ERCC8: variants seen among roughly 807,000 people sequenced by gnomAD.
The protein encoded by ERCC8 is ERCC excision repair 8, CSA ubiquitin ligase complex subunit.
In ERCC8, 52 loss-of-function variants were observed where a neutral mutation model predicts 54.9. That is an observed-to-expected ratio of 0.95 (90% CI 0.76 to 1.19). The LOEUF is 1.19. Ranked by LOEUF, ERCC8 falls within the 50% of genes most tolerant of loss-of-function variation. The probability of loss-of-function intolerance (pLI) is 0.00; values close to 1 mark genes in which losing one functional copy is unlikely to be tolerated. For missense variants in ERCC8, 514 were observed against 466.1 expected, an observed-to-expected ratio of 1.10 and a Z score of -0.95; for synonymous variants, 146 against 157.2, an observed-to-expected ratio of 0.93 and a Z score of 0.53.
At chr5:60,898,168 A>T in intron 9 of ERCC8, 108 bp downstream of exon 9, 2 of 1,261,124 alleles carry the variant, frequency 1.6e-6, no homozygotes, top group Non-Finnish European at 2.2e-6. Flanking sequence ...TTTTAAAAAC[A>T]GCTGTGATTA....
At chr5:60,929,516 G>A (rs1362758401) in intron 1 of ERCC8, among the ~76,000 whole-genome samples, 1 of 152,162 alleles carries the variant, frequency 6.6e-6, no homozygotes, top group Non-Finnish European at 1.5e-5. Flanking sequence ...GAGCCCAGGA[G>A]TTCAAGGATG....
rs1276779259 is a variant in ERCC8 at position 60,918,318 on chromosome 5, T to A, written c.346A>T (p.Thr116Ser). 1 of 1,593,128 alleles carries A rather than the reference T, an allele frequency of 6.3e-7. No homozygotes were observed. The highest frequency in any genetic ancestry group is 8.6e-7 in the Non-Finnish European group (1 of 1,161,398). The change falls in exon 4 of 12, where the codon ACA (threonine) becomes TCA (serine). Residue 116 changes from threonine to serine, a missense_variant. Physicochemically the swap from Thr to Ser is moderately conservative, Grantham distance 58. Coordinates refer to ENST00000676185, the MANE Select transcript of ERCC8 (RefSeq NM_000082.4). ...AGAGTTTTATCAAATGAGCTTGATG[T>A]GAACATGCCAGTGTCATGAGGATAC... is the stretch of plus-strand genomic sequence containing the variant. ...QWYPHDTGMF[T>S]SSSFDKTLKV...
chr5:60,886,344 C>A (rs999404420), intron 11 of ERCC8, among the ~76,000 whole-genome samples: 6 of 152,074 alleles, frequency 3.9e-5, no homozygotes, highest in African/African-American at 1.4e-4. Context: ...TTATGTTCTA[C>A]GAAAGGCACT....
chr5:60,883,004 C>CAT (rs1748287889), intron 11 of ERCC8, among the ~76,000 whole-genome samples: 1 of 146,898 alleles, frequency 6.8e-6, no homozygotes, highest in African/African-American at 2.7e-5. Flanking sequence ...CACACACACA[C>CAT]ATGTCTGTAG....
intron 3 of ERCC8, among the ~76,000 whole-genome samples, chr5:60,920,869 T>C (rs1749580986): frequency 6.6e-6 from 1 of 151,926 alleles, no homozygotes; most frequent in Non-Finnish European, 1.5e-5. Flanking sequence ...AAAATAAATT[T>C]AATGTTAAAA....
intron 11 of ERCC8, among the ~76,000 whole-genome samples, chr5:60,879,628 C>CTTCT (rs1748138580): frequency 1.5e-4 from 22 of 150,092 alleles, no homozygotes; most frequent in Non-Finnish European, 3.0e-4. Context: ...ATGTAATGGC[C>CTTCT]TTGTCTCTTT....
Position 60,890,932 on chromosome 5 carries a change from T to C in ERCC8, c.998A>G (p.His333Arg). The change falls in exon 10 of 12, where the codon CAT becomes CGT. Residue 333 changes from histidine to arginine, a missense_variant. By Grantham distance (29) the His-to-Arg change is conservative (BLOSUM62 0). Transcript: ENST00000676185. ...TACACAGCAGTCAACAGTTTTATAATGTCCCTTAAGCATAGTTATCTGTTC... is the reference window on the plus strand; with the variant it reads ...TACACAGCAGTCAACAGTTTTATAACGTCCCTTAAGCATAGTTATCTGTTC... Reference protein sequence around the residue: ...SGEQITMLKGHYKTVDCCVFQ... With the variant: ...SGEQITMLKGRYKTVDCCVFQ... 7 of 1,613,692 alleles carry C rather than the reference T, an allele frequency of 4.3e-6. No individual in the cohort carries two copies. Among genetic ancestry groups the C allele is most frequent in the Non-Finnish European group, 5.9e-6 (7 of 1,179,764 alleles).
In ERCC8 at chr5:60,940,293, C is replaced by T. The variant is rs547560824; in HGVS notation, c.77+4639G>A. ...CCCATGACAGAAATGGCTATGGCTA[C>T]GCATAGTGGCCTGCAGAAGCCAGAA... is the stretch of plus-strand genomic sequence containing the variant. On this transcript the variant is annotated intron_variant, in intron 1 of 11. Coordinates refer to ENST00000676185, the MANE Select transcript of ERCC8 (RefSeq NM_000082.4). Among the ~76,000 whole-genome samples the T allele has an allele frequency of 9.2e-5, 14 of 152,262 alleles. No individual in the cohort carries two copies. In the East Asian group the frequency reaches 9.6e-4, roughly 10 times the overall value.
In ERCC8 at chr5:60,874,445, A is replaced by T. The variant is rs924267001; in HGVS notation, c.*170T>A. The T allele has an allele frequency of 3.1e-6, 2 of 641,704 alleles. No homozygotes were observed. Among genetic ancestry groups the T allele is most frequent in the Non-Finnish European group, 5.5e-6 (2 of 365,742 alleles). 39.8% of individuals were successfully genotyped at this position (641,704 alleles called of 1,614,324 possible). ...CATTTTGACTAAATAAACTATACAGAAGTCTGTTTTAGGATTTTATGCAAA... is the reference window on the plus strand; with the variant it reads ...CATTTTGACTAAATAAACTATACAGTAGTCTGTTTTAGGATTTTATGCAAA... On this transcript the variant is annotated 3_prime_UTR_variant, in exon 12 of 12. Coordinates refer to ENST00000676185, the MANE Select transcript of ERCC8 (RefSeq NM_000082.4).
At chr5:60,942,620 A>C (rs369939385) in intron 1 of ERCC8, among the ~76,000 whole-genome samples, 1 of 152,206 alleles carries the variant, frequency 6.6e-6, no homozygotes, top group Non-Finnish European at 1.5e-5. Context: ...AGTAGTTTCT[A>C]GAGAAGGAAG....
chr5:60,911,065 T>C (rs1198120712), intron 4 of ERCC8, among the ~76,000 whole-genome samples: 1 of 152,240 alleles, frequency 6.6e-6, no homozygotes, highest in South Asian at 2.1e-4. Context: ...TATTTTTATA[T>C]ATTTTTTAAT....
intron 4 of ERCC8, among the ~76,000 whole-genome samples, chr5:60,908,677 G>A (rs189788446): frequency 4.5e-4 from 67 of 149,260 alleles, no homozygotes; most frequent in Non-Finnish European, 8.8e-4. Context: ...GCTGCAAGTG[G>A]TACCAAGAAG....
intron 10 of ERCC8, among the ~76,000 whole-genome samples, chr5:60,889,811 C>T (rs572604285): frequency 8.5e-5 from 13 of 152,286 alleles, no homozygotes; most frequent in South Asian, 2.1e-4. Flanking sequence ...GGGCAAGTCA[C>T]GTCACCTCTC....
At position 60,903,693 on chromosome 5, in the gene ERCC8, G is replaced by A. The variant is rs2112492912; in HGVS notation, c.505C>T (p.Gln169Ter). The change falls in exon 6 of 12, where the codon CAA becomes TAA. Residue 169 changes from glutamine (Q) to a stop codon, truncating the protein, a stop_gained. Coordinates refer to ENST00000676185, the MANE Select transcript of ERCC8 (RefSeq NM_000082.4). LOFTEE classifies it high-confidence loss of function. Reference protein sequence around the residue: ...VAVGTRGPKVQLCDLKSGSCS... With the variant: ...VAVGTRGPKV ...GATCCAGACTTCAAGTCACAAAGTTGTACTTTGGGTCCTCTAGTACCAACT... is the reference window on the plus strand; with the variant it reads ...GATCCAGACTTCAAGTCACAAAGTTATACTTTGGGTCCTCTAGTACCAACT... The A allele has an allele frequency of 6.2e-7, 1 of 1,612,564 alleles. No homozygotes were observed. The highest frequency in any genetic ancestry group is 8.5e-7 in the Non-Finnish European group (1 of 1,179,172).
At chr5:60,892,548 C>A in intron 9 of ERCC8, 1 of 642,916 alleles carries the variant, frequency 1.6e-6, no homozygotes, top group Non-Finnish European at 3.0e-6. Context: ...GTGTAAGTCT[C>A]TCTTCTTCCC....
At chr5:60,936,350 T>C (rs1750065554) in intron 1 of ERCC8, among the ~76,000 whole-genome samples, 1 of 152,200 alleles carries the variant, frequency 6.6e-6, no homozygotes, top group Non-Finnish European at 1.5e-5. Flanking sequence ...ATTTCTGTAG[T>C]AAGGGTTGTA....
intron 1 of ERCC8, among the ~76,000 whole-genome samples, chr5:60,940,635 G>A (rs4647046): frequency 0.012 from 1,841 of 152,222 alleles, 14 homozygotes; most frequent in South Asian, 0.027. Context: ...ACCCTGAGTC[G>A]TATACAAAGG....
rs1747785797 is a variant in ERCC8 at position 60,867,855 on chromosome 5, A to C, written c.*6760T>G. On this transcript the variant is annotated 3_prime_UTR_variant, in exon 12 of 12. Transcript: ENST00000676185. ...GAACAAAAGAAAACTGGCTTGTGCC[A>C]GTCACCTGAGCCAATAAATTGTTGC... 6.6e-6 allele frequency among the ~76,000 whole-genome samples: 1 copy of C among 152,230 alleles called. No homozygotes were observed. The highest frequency in any genetic ancestry group is 6.5e-5 in the Admixed American group (1 of 15,284).
At chr5:60,908,585 T>TA (rs1202245698) in intron 4 of ERCC8, among the ~76,000 whole-genome samples, 70 of 132,156 alleles carry the variant, frequency 5.3e-4, no homozygotes, top group African/African-American at 1.1e-3. Flanking sequence ...ATATATATAT[T>TA]TTTTTTTTAA....
Sources: gnomAD v4.1 joint callset for allele counts (sites outside exome capture counted in the v4.1 genomes callset) on GRCh38, gnomAD v4.1.1 for gene constraint, MANE v1.5 for transcripts, NCBI Gene and HGNC (gene_info 2026-07-23, HGNC 2026-07-21) for gene names.